The following PCDHGB5 variants were observed in gnomAD, a reference collection of about 807,000 sequenced individuals.
PCDHGB5 encodes the protein protocadherin gamma-B5.
In PCDHGB5, 48 loss-of-function variants were observed where a neutral mutation model predicts 62.9. The ratio of observed to expected loss-of-function variants is 0.76; its 90% CI spans 0.61 to 0.97. PCDHGB5 has a LOEUF of 0.97. Ranked by LOEUF, PCDHGB5 falls within the 50% of genes least tolerant of loss-of-function variation. PCDHGB5 has a pLI of 0.00. For synonymous variants in PCDHGB5, 474 were observed against 511.2 expected (o/e 0.93, Z 0.98); for missense variants, 1,118 against 1,198.6 (o/e 0.93, Z 0.99).
chr5:141,452,088 AAG>A (rs1200732162), intron 1 of PCDHGB5, among the ~76,000 whole-genome samples: 2 of 152,206 alleles, frequency 1.3e-5, no homozygotes, highest in African/African-American at 4.8e-5. Flanking sequence ...ATTATACAGT[AAG>A]AAAGAGCTTT....
In PCDHGB5 at chr5:141,399,092, G is replaced by C. The variant is rs573118488; in HGVS notation, c.965G>C (p.Gly322Ala). ...GTTGTAGAAGGGAGGGATGGTGGTG[G>C]ACTGGTTGCACAATGTACAGTTGAA... The part of the protein sequence containing the change: ...SMVVEGRDGG[G>A]LVAQCTVEIN... The change falls in exon 1 of 4, where the codon GGA becomes GCA. Residue 322 changes from glycine (G) to alanine (A), a missense_variant. Around this residue, in one of 2 missense-constraint regions of PCDHGB5, gnomAD observed 1,034 missense variants for 1,029.1 expected, o/e 1.00. Transcript: ENST00000617380. 6.2e-7 allele frequency: 1 copy of C among 1,613,810 alleles called. No homozygotes were observed. The highest frequency in any genetic ancestry group is 2.2e-5 in the East Asian group (1 of 44,892).
At chr5:141,426,955 C>T (rs1380917458) in intron 1 of PCDHGB5, 3 of 456,658 alleles carry the variant, frequency 6.6e-6, no homozygotes, top group South Asian at 1.5e-5. Flanking sequence ...ACTGGCACTG[C>T]TGCAATTCAA....
At chr5:141,448,394 T>C (rs1360417681) in intron 1 of PCDHGB5, among the ~76,000 whole-genome samples, 1 of 152,206 alleles carries the variant, frequency 6.6e-6, no homozygotes. Context: ...TACATTTACA[T>C]GGTTTTAAAA....
At chr5:141,453,492 G>A (rs1046043468) in intron 1 of PCDHGB5, among the ~76,000 whole-genome samples, 7 of 152,000 alleles carry the variant, frequency 4.6e-5, no homozygotes, top group African/African-American at 7.3e-5. Context: ...AAAAAAAGGT[G>A]TACTCAGAAA....
chr5:141,409,828 C>T (rs2154542180), intron 1 of PCDHGB5: 1 of 1,611,128 alleles, frequency 6.2e-7, no homozygotes, highest in Non-Finnish European at 8.5e-7. Flanking sequence ...CGCCCACGCT[C>T]AGCGCCAACG....
At chr5:141,421,875 A>C (rs1345376105) in intron 1 of PCDHGB5, 2 of 1,613,648 alleles carry the variant, frequency 1.2e-6, no homozygotes, top group South Asian at 2.2e-5. Flanking sequence ...TCACAGCTTT[A>C]GATGGAGGCG....
chr5:141,479,651 C>A (rs56818742), intron 1 of PCDHGB5: 43,954 of 152,194 alleles, frequency 0.29, 6,853 homozygotes, highest in African/African-American at 0.41. Flanking sequence ...ACAACAACAA[C>A]AATCCCAGAA....
At position 141,477,891 on chromosome 5, in the gene PCDHGB5, G is replaced by A. The variant is rs750359063; in HGVS notation, c.2398-16916G>A. 130 of 1,614,066 alleles carry A rather than the reference G, an allele frequency of 8.1e-5. 1 individual carries two copies. The highest frequency in any genetic ancestry group is 1.1e-4 in the Non-Finnish European group (125 of 1,180,050). On this transcript the variant is annotated intron_variant, in intron 1 of 3. Coordinates refer to ENST00000617380, the MANE Select transcript of PCDHGB5 (RefSeq NM_018925.3). The surrounding 1 kb of genome is among the most constrained non-coding windows in gnomAD (Gnocchi z 4.9). The stretch of plus-strand genomic sequence containing the variant: ...ACCTCAGCTGGCCACCTAGTGTCAC[G>A]GGTGGTAGGCTGGGACGCGGATGCA...
At position 141,415,266 on chromosome 5, in the gene PCDHGB5, G is replaced by C. The variant is rs371754316; in HGVS notation, c.2397+14742G>C. 49 of 1,614,100 alleles carry C rather than the reference G, an allele frequency of 3.0e-5. No individual in the cohort carries two copies. The African/African-American group carries it at 6.4e-4, about 21-fold the overall frequency. On this transcript the variant is annotated intron_variant, in intron 1 of 3. Transcript: ENST00000617380. ...AAACCTCAGACCTCACTCTGTACCT[G>C]GTGGTAGCGGTGGCCGCGGTCTCCT...
rs771674964 is a variant in PCDHGB5, at chr5:141,400,506, G to A, written c.2379G>A (p.Ser793=). ...ALFPLCNSSE[S]TSHPELQAPP... ...TTCCACTTTGTAATTCCAGCGAGTCGACTTCCCATCCTGAGTTGGTGAGTT... is the reference window on the plus strand; with the variant it reads ...TTCCACTTTGTAATTCCAGCGAGTCAACTTCCCATCCTGAGTTGGTGAGTT... The change falls in exon 1 of 4, where the codon TCG becomes TCA. Residue 793 remains serine, a synonymous_variant. Transcript: ENST00000617380. The A allele has an allele frequency of 3.7e-6, 6 of 1,613,830 alleles. No individual in the cohort carries two copies. Among genetic ancestry groups the A allele is most frequent in the Non-Finnish European group, 5.1e-6 (6 of 1,179,854 alleles).
At chr5:141,484,399 CCGCTGTGTCT>C (rs1488164183) in intron 1 of PCDHGB5, among the ~76,000 whole-genome samples, 4 of 152,186 alleles carry the variant, frequency 2.6e-5, no homozygotes, top group Non-Finnish European at 4.4e-5. Context: ...GGTTTGGTTT[CCGCTGTGTCT>C]CCTGTTACAA....
intron 1 of PCDHGB5, among the ~76,000 whole-genome samples, chr5:141,470,694 ATAATTT>A (rs2099236876): frequency 6.6e-6 from 1 of 151,978 alleles, no homozygotes; most frequent in African/African-American, 2.4e-5. Context: ...GAAATTCTTA[ATAATTT>A]TTATTTTATT....
At chr5:141,408,148 G>C in intron 1 of PCDHGB5, 2 of 1,504,962 alleles carry the variant, frequency 1.3e-6, no homozygotes, top group Non-Finnish European at 1.8e-6. Context: ...TAGCGCGGTA[G>C]AGTGCACTTT....
intron 1 of PCDHGB5, chr5:141,415,746 T>TTG: frequency 3.0e-6 from 2 of 662,596 alleles, no homozygotes; most frequent in Non-Finnish European, 3.7e-6. Flanking sequence ...TAAGGTTTTT[T>TTG]TTTTTTTTTT....
rs1031996605 is a variant in PCDHGB5, at chr5:141,487,055, G to C, written c.2398-7752G>C. ...TGCAGTCTCTCGATATGCTGGGGAG[G>C]TGCGGACGGCTGTTCCTATCCCAGC... is the stretch of plus-strand genomic sequence containing the variant. On this transcript the variant is annotated intron_variant, in intron 1 of 3. Transcript: ENST00000617380. The surrounding 1 kb of genome is among the most constrained non-coding windows in gnomAD (Gnocchi z 5.0). The C allele has an allele frequency of 6.2e-7, 1 of 1,614,186 alleles. No individual in the cohort carries two copies. The highest frequency in any genetic ancestry group is 8.5e-7 in the Non-Finnish European group (1 of 1,180,038).
chr5:141,400,678 TTG>T, intron 1 of PCDHGB5, 154 bp downstream of exon 1: 1 of 882,002 alleles, frequency 1.1e-6, no homozygotes, highest in Non-Finnish European at 1.7e-6. Flanking sequence ...GAGCAGTAAA[TTG>T]TGAGTTTTTA....
rs2099413641 is a variant in PCDHGB5, at chr5:141,477,586, T to C, written c.2398-17221T>C. The C allele has an allele frequency of 1.9e-6, 3 of 1,614,022 alleles. No individual in the cohort carries two copies. The highest frequency in any genetic ancestry group is 2.5e-6 in the Non-Finnish European group (3 of 1,180,036). On this transcript the variant is annotated intron_variant, in intron 1 of 3. Transcript: ENST00000617380. This position sits in a 1 kb window ranked among gnomAD's most constrained non-coding sequence, Gnocchi z 4.9. ...GGGACCCCGACGCCCCGCAGAATGC[T>C]CGGCTTTCTTTCTTTCTCTTGGAGC... is the stretch of plus-strand genomic sequence containing the variant.
intron 1 of PCDHGB5, chr5:141,424,529 A>G (rs1308118953): frequency 6.6e-6 from 1 of 152,218 alleles, no homozygotes; most frequent in Non-Finnish European, 1.5e-5. Context: ...AAATCCATAT[A>G]TAGAAATAAC....
In PCDHGB5 at chr5:141,398,014, C is replaced by T; in HGVS notation, c.-114C>T. On this transcript the variant is annotated 5_prime_UTR_variant, in exon 1 of 4. Coordinates refer to ENST00000617380, the MANE Select transcript of PCDHGB5 (RefSeq NM_018925.3). Reference sequence around the variant, plus strand: ...TTCCTCCTCGGAAAAAGAATCGTTTCCTAAACTGGAACTGGAACTAAAGCC... The same window carrying T: ...TTCCTCCTCGGAAAAAGAATCGTTTTCTAAACTGGAACTGGAACTAAAGCC... 1 of 1,420,276 alleles carries T rather than the reference C, an allele frequency of 7.0e-7. No homozygotes were observed. The highest frequency in any genetic ancestry group is 1.5e-5 in the South Asian group (1 of 68,244). 88.0% of individuals were successfully genotyped at this position (1,420,276 alleles called of 1,614,324 possible).
Sources: allele counts gnomAD v4.1 joint callset (sites outside exome capture counted in the v4.1 genomes callset), GRCh38; gene constraint gnomAD v4.1.1; regional missense constraint gnomAD v4.1.1; non-coding constraint Gnocchi (gnomAD v3.1); transcripts MANE v1.5; gene names NCBI Gene and HGNC (gene_info 2026-07-23, HGNC 2026-07-21).